SPMIP2: variants seen among roughly 807,000 people sequenced by gnomAD.
SPMIP2 encodes sperm microtubule inner protein 2.
chr4:158,995,361 T>C, the SPMIP2 span, among the ~76,000 whole-genome samples: 2 of 152,230 alleles, frequency 1.3e-5, no homozygotes, highest in African/African-American at 2.4e-5. Flanking sequence ...TAATTATGCC[T>C]CAAATTATAA....
chr4:159,034,857 C>T, the SPMIP2 span, among the ~76,000 whole-genome samples: 1 of 151,852 alleles, frequency 6.6e-6, no homozygotes, highest in Admixed American at 6.6e-5. Context: ...CGCCATTGTA[C>T]TCTAGCCTGG....
At chr4:158,998,478 C>T in the SPMIP2 span, among the ~76,000 whole-genome samples, 1 of 152,138 alleles carries the variant, frequency 6.6e-6, no homozygotes, top group Non-Finnish European at 1.5e-5. Context: ...TTTATTTGTA[C>T]AATAACAGGT....
the SPMIP2 span, among the ~76,000 whole-genome samples, chr4:158,991,693 A>C: frequency 1.3e-5 from 2 of 152,190 alleles, no homozygotes; most frequent in South Asian, 2.1e-4. Flanking sequence ...AAAGCATAGA[A>C]TTGTCAGAGC....
At chr4:158,986,545 T>C in the SPMIP2 span, among the ~76,000 whole-genome samples, 1 of 152,012 alleles carries the variant, frequency 6.6e-6, no homozygotes, top group African/African-American at 2.4e-5. Context: ...ATTCCCTATT[T>C]AATAAATGGT....
the SPMIP2 span, among the ~76,000 whole-genome samples, chr4:158,936,360 A>G: frequency 7.6e-4 from 115 of 152,286 alleles, no homozygotes; most frequent in African/African-American, 2.7e-3. Context: ...TAGGACTTCA[A>G]CATTTTCCTT....
the SPMIP2 span, among the ~76,000 whole-genome samples, chr4:158,927,191 C>T: frequency 6.6e-6 from 1 of 152,094 alleles, no homozygotes; most frequent in Non-Finnish European, 1.5e-5. Flanking sequence ...AAAATGCCCT[C>T]TTTTTTAAAA....
the SPMIP2 span, among the ~76,000 whole-genome samples, chr4:159,005,872 C>A: frequency 1.3e-5 from 2 of 152,118 alleles, no homozygotes; most frequent in African/African-American, 4.8e-5. Context: ...TCGAGTGATT[C>A]TCTTGCCTTA....
chr4:158,949,596 C>T, the SPMIP2 span, among the ~76,000 whole-genome samples: 377 of 151,542 alleles, frequency 2.5e-3, 1 homozygote, highest in African/African-American at 8.6e-3. Context: ...TCCCTATTTG[C>T]GGGATATTAA....
At chr4:158,955,316 C>T in the SPMIP2 span, among the ~76,000 whole-genome samples, 8 of 151,498 alleles carry the variant, frequency 5.3e-5, no homozygotes, top group African/African-American at 1.5e-4. Context: ...AGATTCTGAG[C>T]GCTTAGCACA....
the SPMIP2 span, among the ~76,000 whole-genome samples, chr4:158,976,659 ATTTTTTTTTTTTT>A: frequency 4.2e-5 from 4 of 94,732 alleles, no homozygotes; most frequent in Non-Finnish European, 7.5e-5. Flanking sequence ...ATGGATAAGC[ATTTTTTTTTTTTT>A]TTTTTTTTTT....
At chr4:158,948,944 C>T in the SPMIP2 span, among the ~76,000 whole-genome samples, 1 of 152,100 alleles carries the variant, frequency 6.6e-6, no homozygotes, top group Non-Finnish European at 1.5e-5. Flanking sequence ...TTATTCTCTT[C>T]TGATAAATTT....
the SPMIP2 span, among the ~76,000 whole-genome samples, chr4:158,922,089 T>C: frequency 6.6e-6 from 1 of 151,988 alleles, no homozygotes; most frequent in Non-Finnish European, 1.5e-5. Context: ...GGGGTTTCAC[T>C]GTGTTAGCCA....
chr4:159,026,252 TCATTTGTGATG>T, the SPMIP2 span: 6 of 536,830 alleles, frequency 1.1e-5, no homozygotes, highest in East Asian at 2.5e-4. Context: ...GAGTGTATCA[TCATTTGTGATG>T]ACAAAAACCT....
At chr4:158,981,482 T>C in the SPMIP2 span, among the ~76,000 whole-genome samples, 14 of 152,222 alleles carry the variant, frequency 9.2e-5, no homozygotes, top group African/African-American at 3.1e-4. Context: ...CACAAAGGGA[T>C]GCCCATCAGA....
the SPMIP2 span, among the ~76,000 whole-genome samples, chr4:159,003,341 A>G: frequency 6.6e-6 from 1 of 152,188 alleles, no homozygotes; most frequent in African/African-American, 2.4e-5. Flanking sequence ...CAGTTTCTTT[A>G]TCTGAAAAAT....
the SPMIP2 span, among the ~76,000 whole-genome samples, chr4:158,949,312 G>A: frequency 6.6e-6 from 1 of 152,142 alleles, no homozygotes; most frequent in Non-Finnish European, 1.5e-5. Flanking sequence ...ACTTTCAAAA[G>A]TGTCCTGTCT....
the SPMIP2 span, among the ~76,000 whole-genome samples, chr4:159,002,546 A>G: frequency 6.6e-6 from 1 of 152,188 alleles, no homozygotes; most frequent in Non-Finnish European, 1.5e-5. Context: ...ATCTAAGATC[A>G]CAAAGTTTTT....
chr4:158,912,134 A>C, the SPMIP2 span, among the ~76,000 whole-genome samples: 2 of 152,228 alleles, frequency 1.3e-5, no homozygotes, highest in Non-Finnish European at 2.9e-5. Flanking sequence ...ATAGAACTTA[A>C]GAGACATTTT....
the SPMIP2 span, among the ~76,000 whole-genome samples, chr4:158,997,022 C>G: frequency 6.6e-6 from 1 of 152,076 alleles, no homozygotes; most frequent in Non-Finnish European, 1.5e-5. Flanking sequence ...TCTGGGTAGT[C>G]AGCTACAAAG....
Sources: allele counts gnomAD v4.1 joint callset (sites outside exome capture counted in the v4.1 genomes callset), GRCh38; gene constraint gnomAD v4.1.1; transcripts MANE v1.5; gene names NCBI Gene and HGNC (gene_info 2026-07-23, HGNC 2026-07-21).